ZNF516: variants seen among roughly 807,000 people sequenced by gnomAD.
The protein encoded by ZNF516 is zinc finger protein 516.
Under a neutral mutation model 79.7 loss-of-function variants are expected in ZNF516, and 19 were observed. That is an observed-to-expected ratio of 0.24 (90% CI 0.17 to 0.35). ZNF516 has a LOEUF of 0.35. ZNF516 is among the 10% of genes least tolerant of loss of function. ZNF516 has a pLI of 1.00. For synonymous variants in ZNF516, 877 were observed against 739.5 expected, an observed-to-expected ratio of 1.19 and a Z score of -3.02; for missense variants, 1,678 against 1,679.5, an observed-to-expected ratio of 1.00 and a Z score of 0.02.
chr18:76,380,048 T>C lies in ZNF516; in HGVS notation c.2066A>G (p.Asp689Gly), dbSNP rs759930400. ...HPKQEVPVPG[D>G]GVEFPSSTGA... ...CGTACTGGAAGGGAACTCCACACCA[T>C]CACCAGGGACGGGCACCTCCTGCTT... Residue 689 changes from aspartate (D) to glycine (G), a missense_variant, in exon 4 of 7, where the codon GAT becomes GGT. Asp to Gly is a moderately conservative substitution (Grantham distance 94). Around this residue, in one of 5 missense-constraint regions of ZNF516, gnomAD observed 1,294 missense variants for 1,248.3 expected, o/e 1.04. Coordinates refer to ENST00000443185, the MANE Select transcript of ZNF516 (RefSeq NM_014643.4). 6.2e-7 allele frequency: 1 copy of C among 1,613,886 alleles called. No individual in the cohort carries two copies.
intron 6 of ZNF516, among the ~76,000 whole-genome samples, chr18:76,369,716 G>A (rs1255066793): frequency 1.3e-5 from 2 of 152,130 alleles, no homozygotes; most frequent in African/African-American, 4.8e-5. Flanking sequence ...ACCCAGACAC[G>A]GCTTGACTCT....
intron 2 of ZNF516, among the ~76,000 whole-genome samples, chr18:76,456,562 G>T (rs1184070168): frequency 1.3e-5 from 2 of 152,194 alleles, no homozygotes; most frequent in African/African-American, 2.4e-5. Context: ...AATGTGCTTT[G>T]TAACTTTAGC....
chr18:76,389,846 T>C (rs930306205), intron 3 of ZNF516, among the ~76,000 whole-genome samples: 5 of 152,120 alleles, frequency 3.3e-5, no homozygotes, highest in African/African-American at 1.2e-4. Context: ...GAGGGGGAGA[T>C]GGGTGAGTCT....
At chr18:76,412,636 G>A (rs1273540508) in intron 3 of ZNF516, among the ~76,000 whole-genome samples, 1 of 152,164 alleles carries the variant, frequency 6.6e-6, no homozygotes, top group African/African-American at 2.4e-5. Flanking sequence ...GGAGGATAAG[G>A]ACACACCGTG....
chr18:76,363,884 C>T (rs546336587), intron 6 of ZNF516, among the ~76,000 whole-genome samples: 2 of 152,324 alleles, frequency 1.3e-5, no homozygotes, highest in South Asian at 2.1e-4. Flanking sequence ...CAAACATAGA[C>T]GTCAGGGACC....
chr18:76,461,337 C>T (rs74739102), intron 2 of ZNF516, among the ~76,000 whole-genome samples: 1 of 152,188 alleles, frequency 6.6e-6, no homozygotes, highest in Non-Finnish European at 1.5e-5. Context: ...TCACCATGGC[C>T]GCAACAGGCA....
chr18:76,422,575 T>C (rs916649499), intron 3 of ZNF516, among the ~76,000 whole-genome samples: 3 of 152,094 alleles, frequency 2.0e-5, no homozygotes, highest in African/African-American at 7.2e-5. Flanking sequence ...AGATAGAGAA[T>C]TAAAAGATAC....
At chr18:76,450,250 T>TA (rs1379444508) in intron 2 of ZNF516, among the ~76,000 whole-genome samples, 3 of 150,828 alleles carry the variant, frequency 2.0e-5, no homozygotes, top group Non-Finnish European at 4.4e-5. Context: ...TCCTAAAAGT[T>TA]AAAAAAATAA....
intron 3 of ZNF516, among the ~76,000 whole-genome samples, chr18:76,390,683 C>T (rs949231495): frequency 2.0e-5 from 3 of 152,264 alleles, no homozygotes; most frequent in East Asian, 1.9e-4. Flanking sequence ...CCCATGTGGA[C>T]GTCGGTCATT....
Position 76,392,644 on chromosome 18 carries a change from G to GTGGA in ZNF516, c.1811-12342_1811-12341insTCCA, listed in dbSNP as rs2075094124. Among the ~76,000 whole-genome samples, 2 of 122,128 alleles carry GTGGA rather than the reference G, an allele frequency of 1.6e-5. 1 individual carries two copies. The highest frequency in any genetic ancestry group is 3.3e-5 in the Non-Finnish European group (2 of 61,044). 80.1% of individuals were successfully genotyped at this position (122,128 alleles called of 152,430 possible). On this transcript the variant is annotated intron_variant, in intron 3 of 6. Transcript: ENST00000443185. ...AAGTGGCCAGGTGGAGGGAGGGCAG[G>GTGGA]CGGGAAGGCAGGTGACCAGGTGGGG...
At chr18:76,488,649 T>C (rs1914977914) in intron 1 of ZNF516, among the ~76,000 whole-genome samples, 1 of 152,210 alleles carries the variant, frequency 6.6e-6, no homozygotes, top group Non-Finnish European at 1.5e-5. Context: ...ATGTCTGCTT[T>C]TGAAGAAGAA....
At chr18:76,435,347 A>G (rs1422672824) in intron 3 of ZNF516, among the ~76,000 whole-genome samples, 3 of 152,228 alleles carry the variant, frequency 2.0e-5, no homozygotes, top group African/African-American at 4.8e-5. Context: ...GTTCAAGCAA[A>G]TATCAGCATG....
At chr18:76,479,298 G>C (rs560276112) in intron 1 of ZNF516, among the ~76,000 whole-genome samples, 1 of 152,144 alleles carries the variant, frequency 6.6e-6, no homozygotes, top group Non-Finnish European at 1.5e-5. Context: ...CTGTGAACAC[G>C]GGCCACATTC....
intron 3 of ZNF516, among the ~76,000 whole-genome samples, chr18:76,438,360 T>C (rs1291591253): frequency 6.6e-6 from 1 of 152,254 alleles, no homozygotes; most frequent in African/African-American, 2.4e-5. Flanking sequence ...CCTACTTGTG[T>C]TTGGGAATGT....
At chr18:76,384,921 C>T (rs2074960899) in intron 3 of ZNF516, among the ~76,000 whole-genome samples, 1 of 152,216 alleles carries the variant, frequency 6.6e-6, no homozygotes, top group Non-Finnish European at 1.5e-5. Flanking sequence ...CTGCCTCTAA[C>T]CCTGACCGCA....
intron 2 of ZNF516, among the ~76,000 whole-genome samples, chr18:76,456,946 C>G (rs925520528): frequency 5.9e-5 from 9 of 152,148 alleles, no homozygotes; most frequent in Admixed American, 6.5e-5. Flanking sequence ...TGCTGTGAGG[C>G]TGGGTAAATC....
chr18:76,444,368 G>A (rs1043390096), intron 2 of ZNF516, among the ~76,000 whole-genome samples: 12 of 152,160 alleles, frequency 7.9e-5, no homozygotes, highest in African/African-American at 2.9e-4. Context: ...CTCCAGACCT[G>A]CACAGAGAGG....
rs2074859579 is a variant in ZNF516, at chr18:76,379,833, G to A, written c.2281C>T (p.Pro761Ser). The A allele has an allele frequency of 1.2e-6, 2 of 1,613,896 alleles. No individual in the cohort carries two copies. The highest frequency in any genetic ancestry group is 8.5e-7 in the Non-Finnish European group (1 of 1,179,864). The change falls in exon 4 of 7, where the codon CCG (proline) becomes TCG (serine). Residue 761 changes from proline (P) to serine (S), a missense_variant. Coordinates refer to ENST00000443185, the MANE Select transcript of ZNF516 (RefSeq NM_014643.4). ...SSLQAALVVH[P>S]CPYCSHKTYY... ...GTCTTGTGGCTGCAGTAAGGACACG[G>A]GTGAACGACTAAAGCCGCCTGCAGG...
chr18:76,433,471 C>T (rs2075689243), intron 3 of ZNF516, among the ~76,000 whole-genome samples: 1 of 152,182 alleles, frequency 6.6e-6, no homozygotes, highest in African/African-American at 2.4e-5. Flanking sequence ...AATGTGTCCA[C>T]GCAACAGGGA....
Sources: allele counts gnomAD v4.1 joint callset (sites outside exome capture counted in the v4.1 genomes callset), GRCh38; gene constraint gnomAD v4.1.1; regional missense constraint gnomAD v4.1.1; transcripts MANE v1.5; gene names NCBI Gene and HGNC (gene_info 2026-07-23, HGNC 2026-07-21).